The following TESC variants were observed in gnomAD, a reference collection of about 807,000 sequenced individuals.
The protein encoded by TESC is tescalcin.
In TESC, 19 loss-of-function variants were observed where a neutral mutation model predicts 31.0. The observed-to-expected ratio is 0.61, with a 90% CI of 0.43 to 0.90. The LOEUF (loss-of-function observed/expected upper bound fraction) is 0.90. Ranked by LOEUF, TESC falls within the 40% of genes least tolerant of loss-of-function variation. The pLI is 0.00. For missense variants in TESC, 248 were observed against 303.8 expected, an observed-to-expected ratio of 0.82 and a Z score of 1.36; for synonymous variants, 109 against 114.8, an observed-to-expected ratio of 0.95 and a Z score of 0.32.
chr12:117,049,319 G>A (rs929664435), intron 3 of TESC, among the ~76,000 whole-genome samples, 161 bp from the exon 4 acceptor site: 7 of 152,222 alleles, frequency 4.6e-5, no homozygotes, highest in Admixed American at 1.3e-4. Flanking sequence ...TTCGTGGCGG[G>A]GCTGCAGGCT....
chr12:117,098,065 C>T (rs1185095055), intron 1 of TESC, among the ~76,000 whole-genome samples: 1 of 152,134 alleles, frequency 6.6e-6, no homozygotes, highest in Non-Finnish European at 1.5e-5. Flanking sequence ...TCATCCAGTT[C>T]TCCTGGAAAG....
intron 1 of TESC, among the ~76,000 whole-genome samples, chr12:117,081,163 T>C (rs1955142300): frequency 6.6e-6 from 1 of 152,292 alleles, no homozygotes; most frequent in South Asian, 2.1e-4. Flanking sequence ...ACCTGGCCTG[T>C]CCAAGTGGCT....
At chr12:117,047,771 T>C (rs1240069048) in intron 4 of TESC, among the ~76,000 whole-genome samples, 2 of 151,926 alleles carry the variant, frequency 1.3e-5, no homozygotes, top group Non-Finnish European at 2.9e-5. Flanking sequence ...AGATGGGGTC[T>C]CACTCTGTCG....
At chr12:117,077,568 G>A (rs1307586305) in intron 1 of TESC, among the ~76,000 whole-genome samples, 13 of 152,206 alleles carry the variant, frequency 8.5e-5, no homozygotes, top group African/African-American at 3.1e-4. Flanking sequence ...ATATAGTCAA[G>A]CAATGGAATA....
rs1048946264 is a variant in TESC, at chr12:117,092,625, G to T, written c.58+6600C>A. Among the ~76,000 whole-genome samples the T allele has an allele frequency of 3.3e-5, 5 of 152,186 alleles. 1 individual carries two copies. In the East Asian group the frequency reaches 9.6e-4, roughly 29 times the overall value. ...CCCCAGAGCTCAGCATACAGGACTG[G>T]TCCTTCCCCCTGGTTTCACGGACAC... On this transcript the variant is annotated intron_variant, in intron 1 of 7. Coordinates refer to ENST00000335209, the MANE Select transcript of TESC (RefSeq NM_017899.4).
rs560342527 is a variant in TESC at position 117,080,725 on chromosome 12, G to C, written c.59-5385C>G. Among the ~76,000 whole-genome samples the C allele has an allele frequency of 2.6e-5, 4 of 152,294 alleles. No homozygotes were observed. In the South Asian group the frequency reaches 8.3e-4, roughly 32 times the overall value. The stretch of plus-strand genomic sequence containing the variant: ...GGAGCTGGTCTAACCCAACATGTCT[G>C]GTGAGCTGCTTCCTCCTAACTGCGC... On this transcript the variant is annotated intron_variant, in intron 1 of 7. Transcript: ENST00000335209.
At chr12:117,054,412 C>G (rs1279964963) in intron 3 of TESC, among the ~76,000 whole-genome samples, 1 of 152,136 alleles carries the variant, frequency 6.6e-6, no homozygotes, top group Non-Finnish European at 1.5e-5. Context: ...ATGCAGCCTG[C>G]CCTCCCCACA....
At chr12:117,040,713 T>C (rs1327204360) in intron 7 of TESC, among the ~76,000 whole-genome samples, 1 of 152,154 alleles carries the variant, frequency 6.6e-6, no homozygotes, top group Non-Finnish European at 1.5e-5. Context: ...TGCACGGCAG[T>C]CCACGGGGCC....
chr12:117,041,180 G>T (rs1022823618), intron 7 of TESC, among the ~76,000 whole-genome samples: 2 of 152,200 alleles, frequency 1.3e-5, no homozygotes, highest in African/African-American at 4.8e-5. Context: ...CAGGGAGGAG[G>T]GCAGAGTGGG....
At chr12:117,060,785 C>G (rs1954791580) in intron 2 of TESC, among the ~76,000 whole-genome samples, 1 of 152,198 alleles carries the variant, frequency 6.6e-6, no homozygotes, top group African/African-American at 2.4e-5. Context: ...GCCCGACTCT[C>G]CCTGGCCATC....
chr12:117,091,346 A>G (rs1955304034), intron 1 of TESC, among the ~76,000 whole-genome samples: 1 of 152,194 alleles, frequency 6.6e-6, no homozygotes, highest in Non-Finnish European at 1.5e-5. Flanking sequence ...AACAGATCCT[A>G]AAGTGCTTTG....
At chr12:117,075,913 A>ATATATATATATATGTGTGTG (rs1265957613) in intron 1 of TESC, among the ~76,000 whole-genome samples, 2 of 51,950 alleles carry the variant, frequency 3.8e-5, no homozygotes, top group East Asian at 9.3e-4. Flanking sequence ...ATATATATAT[A>ATATATATATATATGTGTGTG]TGTGTGTGTG....
At chr12:117,041,835 C>T (rs1028511088) in intron 7 of TESC, 112 bp downstream of exon 7, 16 of 1,128,786 alleles carry the variant, frequency 1.4e-5, no homozygotes, top group Non-Finnish European at 2.0e-5. Context: ...TGTTGGTCAC[C>T]CAGGAAGCCT....
At chr12:117,070,011 G>A (rs748670651) in intron 2 of TESC, among the ~76,000 whole-genome samples, 1 of 152,206 alleles carries the variant, frequency 6.6e-6, no homozygotes, top group Non-Finnish European at 1.5e-5. Context: ...TTGTAGTGGG[G>A]TGCCAGGGGC....
At position 117,065,660 on chromosome 12, in the gene TESC, G is replaced by A. The variant is rs1954868173; in HGVS notation, c.129-8774C>T. 1.3e-5 allele frequency among the ~76,000 whole-genome samples: 2 copies of A among 152,134 alleles called. 1 individual carries two copies. Among genetic ancestry groups the A allele is most frequent in the East Asian group, 3.9e-4 (2 of 5,180 alleles). ...TTTCAGCACTTTGGGAGGCTGAGGT[G>A]AGAGGACTCCTTGAGCCCAGGAGTT... On this transcript the variant is annotated intron_variant, in intron 2 of 7. Coordinates refer to ENST00000335209, the MANE Select transcript of TESC (RefSeq NM_017899.4).
chr12:117,047,618 T>C (rs1377494554), intron 4 of TESC, among the ~76,000 whole-genome samples: 1 of 151,902 alleles, frequency 6.6e-6, no homozygotes, highest in Non-Finnish European at 1.5e-5. Context: ...AGAGACAGGG[T>C]TTCACCAGTT....
At chr12:117,072,265 C>T (rs531427274) in intron 2 of TESC, among the ~76,000 whole-genome samples, 1 of 151,990 alleles carries the variant, frequency 6.6e-6, no homozygotes, top group Non-Finnish European at 1.5e-5. Context: ...CTTGCACCTG[C>T]TTTTTTTTCC....
intron 3 of TESC, among the ~76,000 whole-genome samples, chr12:117,056,431 C>T (rs1030243557): frequency 5.8e-5 from 8 of 138,960 alleles, no homozygotes; most frequent in African/African-American, 1.2e-4. Flanking sequence ...GGAGTGCAAG[C>T]GGTGTGATCA....
chr12:117,099,131 A>G lies in TESC; in HGVS notation c.58+94T>C. On this transcript the variant is annotated intron_variant, in intron 1 of 7. Coordinates refer to ENST00000335209, the MANE Select transcript of TESC (RefSeq NM_017899.4). ...CGCAGAGAGGGCCCGCCACTGGCCC[A>G]AGGTCACACAGCGCGGCGGCGGGCC... 2.2e-6 allele frequency: 3 copies of G among 1,347,950 alleles called. 1 individual carries two copies. The highest frequency in any genetic ancestry group is 3.0e-5 in the South Asian group (2 of 67,206). 83.5% of individuals were successfully genotyped at this position (1,347,950 alleles called of 1,614,324 possible). A position where few individuals can be genotyped will look rare whatever the true frequency, so the allele number is the denominator to read the frequency against.
Sources: gnomAD v4.1 joint callset for allele counts (sites outside exome capture counted in the v4.1 genomes callset) on GRCh38, gnomAD v4.1.1 for gene constraint, MANE v1.5 for transcripts, NCBI Gene and HGNC (gene_info 2026-07-23, HGNC 2026-07-21) for gene names.